PCDHGA3: variants seen among roughly 807,000 people sequenced by gnomAD.
PCDHGA3 encodes protocadherin gamma-A3.
PCDHGA3 carries 40 observed loss-of-function variants against 58.5 expected under a neutral mutation model. That is an observed-to-expected ratio of 0.68 (90% CI 0.53 to 0.89). The LOEUF is 0.89. PCDHGA3 is among the 40% of genes least tolerant of loss of function. The probability of loss-of-function intolerance (pLI) is 0.00; values close to 1 mark genes in which losing one functional copy is unlikely to be tolerated. For synonymous variants in PCDHGA3, 530 were observed against 525.7 expected, an observed-to-expected ratio of 1.01 and a Z score of -0.11; for missense variants, 1,223 against 1,195.9, an observed-to-expected ratio of 1.02 and a Z score of -0.33.
At chr5:141,368,055 A>G (rs531662241) in intron 1 of PCDHGA3, among the ~76,000 whole-genome samples, 10 of 152,346 alleles carry the variant, frequency 6.6e-5, no homozygotes, top group Non-Finnish European at 1.0e-4. Flanking sequence ...TAATGAAAGA[A>G]CTACTATATT....
At chr5:141,350,528 G>T in intron 1 of PCDHGA3, 1 of 1,614,034 alleles carries the variant, frequency 6.2e-7, no homozygotes, top group Non-Finnish European at 8.5e-7. Context: ...GATAGATCGA[G>T]AGAAGATTTG....
At chr5:141,385,003 T>C (rs1480894446) in intron 1 of PCDHGA3, 1 of 1,614,148 alleles carries the variant, frequency 6.2e-7, no homozygotes, top group South Asian at 1.1e-5. Context: ...CACAGTCTCC[T>C]GCGTCTTCCT....
In PCDHGA3 at chr5:141,389,323, G is replaced by T. The variant is rs1230521211; in HGVS notation, c.2424+42866G>T. 26 of 1,613,980 alleles carry T rather than the reference G, an allele frequency of 1.6e-5. No individual in the cohort carries two copies. Among genetic ancestry groups the T allele is most frequent in the Non-Finnish European group, 1.8e-5 (21 of 1,179,896 alleles). ...GTCAGGGCTTCTGATCCGGACTTGG[G>T]GCCCAACGGCCAAGTCTCTTACTGC... On this transcript the variant is annotated intron_variant, in intron 1 of 3. Transcript: ENST00000253812.
At chr5:141,438,591 CATATATATATATATATAT>C (rs946798767) in intron 1 of PCDHGA3, among the ~76,000 whole-genome samples, 2 of 75,562 alleles carry the variant, frequency 2.6e-5, no homozygotes, top group Non-Finnish European at 5.4e-5. Context: ...TACATACATA[CATATATATATATATATAT>C]ATATATATAT....
rs953182246 is a variant in PCDHGA3, at chr5:141,511,757, C to T, written c.*584C>T. ...CTCAAGTTTTGGAGGACATGATCAC[C>T]ATCCCCATGGTACTGATGCTTGCTG... is the stretch of plus-strand genomic sequence containing the variant. On this transcript the variant is annotated 3_prime_UTR_variant, in exon 4 of 4. Coordinates refer to ENST00000253812, the MANE Select transcript of PCDHGA3 (RefSeq NM_018916.4). The T allele has an allele frequency of 6.9e-5, 12 of 174,122 alleles. No individual in the cohort carries two copies. The highest frequency in any genetic ancestry group is 2.8e-4 in the African/African-American group (12 of 42,412). The allele number at this position is 174,122 out of a possible 1,614,324, so 10.8% of individuals were successfully genotyped here.
rs767580455 is a variant in PCDHGA3 at position 141,402,948 on chromosome 5, C to G, written c.2424+56491C>G. The G allele has an allele frequency of 7.5e-6, 12 of 1,592,864 alleles. No individual in the cohort carries two copies. In the African/African-American group the frequency reaches 1.2e-4, roughly 16 times the overall value. On this transcript the variant is annotated intron_variant, in intron 1 of 3. Transcript: ENST00000253812. ...CTTTTGAGAAAATTCCAAAGCGAGG[C>G]AGCAATGGCAGCTCCAACCAAATGC... is the stretch of plus-strand genomic sequence containing the variant.
At chr5:141,404,600 CTG>C (rs2094545529) in intron 1 of PCDHGA3, 2 of 1,613,938 alleles carry the variant, frequency 1.2e-6, no homozygotes, top group Non-Finnish European at 1.7e-6. Context: ...GTCATTGAGA[CTG>C]TTTGTTTTGG....
chr5:141,475,553 T>A (rs1159585016), intron 1 of PCDHGA3, among the ~76,000 whole-genome samples: 2 of 152,260 alleles, frequency 1.3e-5, no homozygotes, highest in Non-Finnish European at 2.9e-5. Flanking sequence ...GTCCGGCTAA[T>A]TGTCTGTCTT....
chr5:141,387,784 T>C (rs2091093181), intron 1 of PCDHGA3: 11 of 1,472,396 alleles, frequency 7.5e-6, no homozygotes, highest in African/African-American at 4.2e-5. Flanking sequence ...GAACTGGAAC[T>C]GCAACTAAAG....
chr5:141,364,357 C>A, intron 1 of PCDHGA3: 2 of 1,556,048 alleles, frequency 1.3e-6, no homozygotes, highest in South Asian at 1.2e-5. Flanking sequence ...GGGGCTGGGG[C>A]TGCGGAGAGC....
intron 3 of PCDHGA3, chr5:141,507,166 GTCC>G (rs1475125845): frequency 6.6e-5 from 10 of 152,288 alleles, no homozygotes; most frequent in Non-Finnish European, 1.2e-4. Context: ...ATGAGAGGCT[GTCC>G]TCTTCCTCGA....
In PCDHGA3 at chr5:141,345,484, A is replaced by C; in HGVS notation, c.1451A>C (p.Asn484Thr). ...GCCCAGGACCCAGATAGCAACAACA[A>C]CGCCCGCATCACTTATGCATTGACC... is the stretch of plus-strand genomic sequence containing the variant. ...VTAQDPDSNN[N>T]ARITYALTED... The change falls in exon 1 of 4, where the codon AAC becomes ACC. Residue 484 changes from asparagine (N) to threonine (T), a missense_variant. Physicochemically the swap from Asn to Thr is moderately conservative, Grantham distance 65 (BLOSUM62 0). Coordinates refer to ENST00000253812, the MANE Select transcript of PCDHGA3 (RefSeq NM_018916.4). 6.2e-7 allele frequency: 1 copy of C among 1,613,876 alleles called. No homozygotes were observed.
In PCDHGA3 at chr5:141,477,041, C is replaced by A; in HGVS notation, c.2425-17766C>A. 3 of 1,614,242 alleles carry A rather than the reference C, an allele frequency of 1.9e-6. No individual in the cohort carries two copies. Among genetic ancestry groups the A allele is most frequent in the Admixed American group, 1.7e-5 (1 of 60,036 alleles). Reference sequence around the variant, plus strand: ...AACCGGGATGCTGACAATCAAGGGTCGGCTGGACTTCGAGGACACCAAACT... The same window carrying A: ...AACCGGGATGCTGACAATCAAGGGTAGGCTGGACTTCGAGGACACCAAACT... On this transcript the variant is annotated intron_variant, in intron 1 of 3. Transcript: ENST00000253812. The surrounding 1 kb of genome is among the most constrained non-coding windows in gnomAD (Gnocchi z 4.9).
At chr5:141,404,381 T>A (rs762394525) in intron 1 of PCDHGA3, 5 of 1,613,954 alleles carry the variant, frequency 3.1e-6, no homozygotes, top group Middle Eastern at 1.6e-4. Context: ...CGTGATTGCC[T>A]ATGACCCTGA....
Position 141,512,147 on chromosome 5 carries a change from GGCTGA to G in PCDHGA3, c.*978_*982del, listed in dbSNP as rs1406468661. The G allele has an allele frequency of 1.3e-5, 2 of 152,652 alleles. No homozygotes were observed. Among genetic ancestry groups the G allele is most frequent in the Admixed American group, 6.5e-5 (1 of 15,286 alleles). The allele number at this position is 152,652 out of a possible 1,614,324, so 9.5% of individuals were successfully genotyped here. A position where few individuals can be genotyped will look rare whatever the true frequency, so the allele number is the denominator to read the frequency against. On this transcript the variant is annotated 3_prime_UTR_variant, in exon 4 of 4. Coordinates refer to ENST00000253812, the MANE Select transcript of PCDHGA3 (RefSeq NM_018916.4). ...GGCTCAGCCCAGGCAGCCAGCTTTG[GGCTGA>G]GCTAACAGGACCAATGGATTAAACT... is the stretch of plus-strand genomic sequence containing the variant.
At chr5:141,398,695 A>G (rs753760185) in intron 1 of PCDHGA3, 3 of 1,613,784 alleles carry the variant, frequency 1.9e-6, no homozygotes, top group Non-Finnish European at 2.5e-6. Flanking sequence ...GGATGGTAGT[A>G]AATACCCGGA....
At chr5:141,417,940 C>G in intron 1 of PCDHGA3, 2 of 1,613,052 alleles carry the variant, frequency 1.2e-6, no homozygotes, top group Non-Finnish European at 1.7e-6. Context: ...TGTTCTACCC[C>G]ACGCTGTGTG....
chr5:141,409,613 A>G lies in PCDHGA3; in HGVS notation c.2424+63156A>G, dbSNP rs370495173. On this transcript the variant is annotated intron_variant, in intron 1 of 3. Coordinates refer to ENST00000253812, the MANE Select transcript of PCDHGA3 (RefSeq NM_018916.4). Reference sequence around the variant, plus strand: ...CGAGAACAACCCGCCAGGAGCCTCCATTGCGCAAGTGAGCGCCTCTGACCC... The same window carrying G: ...CGAGAACAACCCGCCAGGAGCCTCCGTTGCGCAAGTGAGCGCCTCTGACCC... The G allele has an allele frequency of 8.4e-5, 136 of 1,613,856 alleles. No individual in the cohort carries two copies. Among genetic ancestry groups the G allele is most frequent in the Middle Eastern group, 8.2e-4 (5 of 6,062 alleles).
intron 1 of PCDHGA3, chr5:141,423,397 C>A: frequency 1.9e-6 from 3 of 1,614,146 alleles, no homozygotes; most frequent in Non-Finnish European, 2.5e-6. Context: ...GCATAAGTCA[C>A]GCCTGCTGCA....
Sources: gnomAD v4.1 joint callset for allele counts (sites outside exome capture counted in the v4.1 genomes callset) on GRCh38, gnomAD v4.1.1 for gene constraint, Gnocchi (gnomAD v3.1) non-coding constraint, MANE v1.5 for transcripts, NCBI Gene and HGNC (gene_info 2026-07-23, HGNC 2026-07-21) for gene names.